Variants in OCA2 observed in about 807,000 individuals in gnomAD.
The protein encoded by OCA2 is OCA2 melanosomal transmembrane protein, also known as P protein.
OCA2 carries 77 observed loss-of-function variants against 100.2 expected under a neutral mutation model. That is an observed-to-expected ratio of 0.77 (90% CI 0.64 to 0.93). OCA2 has a LOEUF of 0.93. Ranked by LOEUF, OCA2 falls within the 40% of genes least tolerant of loss-of-function variation. The pLI, the probability that OCA2 is intolerant of heterozygous loss-of-function variation, is 0.00. For synonymous variants in OCA2, 432 were observed against 439.2 expected (o/e 0.98, Z 0.21); for missense variants, 1,062 against 1,089.1 (o/e 0.98, Z 0.35).
At chr15:28,092,409 G>A (rs1368389346) in intron 1 of OCA2, among the ~76,000 whole-genome samples, 2 of 152,162 alleles carry the variant, frequency 1.3e-5, no homozygotes, top group African/African-American at 4.8e-5. Flanking sequence ...AGGCTGGAGT[G>A]CAGTGGTGCA....
intron 21 of OCA2, among the ~76,000 whole-genome samples, chr15:27,857,291 G>A (rs567953117): frequency 8.5e-5 from 13 of 152,216 alleles, no homozygotes; most frequent in African/African-American, 2.4e-4. Context: ...TGAGGAAGCC[G>A]AAGAAAGGAT....
chr15:27,924,709 A>G (rs2038983080), intron 19 of OCA2, among the ~76,000 whole-genome samples: 1 of 152,226 alleles, frequency 6.6e-6, no homozygotes, highest in South Asian at 2.1e-4. Context: ...GAATTAGTAT[A>G]CAATAAAATG....
chr15:27,897,676 T>G (rs1213616942), intron 19 of OCA2, among the ~76,000 whole-genome samples: 1 of 152,002 alleles, frequency 6.6e-6, no homozygotes, highest in African/African-American at 2.4e-5. Context: ...AAATGTGGGG[T>G]CAGAGGTGCC....
chr15:28,095,183 C>A (rs1306016652), intron 1 of OCA2, among the ~76,000 whole-genome samples: 1 of 152,208 alleles, frequency 6.6e-6, no homozygotes, highest in Non-Finnish European at 1.5e-5. Context: ...GTGCTCCGGG[C>A]ATGGTGGGTC....
intron 9 of OCA2, among the ~76,000 whole-genome samples, chr15:28,005,496 A>G (rs75987980): frequency 1.7e-3 from 262 of 152,284 alleles, no homozygotes; most frequent in African/African-American, 5.9e-3. Context: ...TTCCTTCTGC[A>G]GGCTCTAGAG....
the OCA2 span, among the ~76,000 whole-genome samples, chr15:27,721,491 A>T: frequency 1.3e-5 from 2 of 152,258 alleles, no homozygotes; most frequent in Non-Finnish European, 2.9e-5. Context: ...ATAGAATTAT[A>T]TCATAGAAGA....
chr15:27,867,067 T>C (rs558916293), intron 21 of OCA2, among the ~76,000 whole-genome samples: 1 of 152,358 alleles, frequency 6.6e-6, no homozygotes, highest in Admixed American at 6.5e-5. Flanking sequence ...CAGTGTGCAG[T>C]TGAGAAATTC....
intron 23 of OCA2, among the ~76,000 whole-genome samples, chr15:27,789,625 C>A (rs1318527125): frequency 1.3e-5 from 2 of 152,098 alleles, no homozygotes; most frequent in Non-Finnish European, 1.5e-5. Flanking sequence ...ACACAGGGGG[C>A]GCTTATCAAA....
chr15:27,760,631 C>CA (rs1165129802), intron 23 of OCA2, among the ~76,000 whole-genome samples: 1 of 151,786 alleles, frequency 6.6e-6, no homozygotes, highest in East Asian at 1.9e-4. Flanking sequence ...GGAGTCATCA[C>CA]AAAAAACCTT....
At chr15:27,903,344 G>A (rs1333877839) in intron 19 of OCA2, among the ~76,000 whole-genome samples, 6 of 152,172 alleles carry the variant, frequency 3.9e-5, no homozygotes, top group African/African-American at 1.4e-4. Flanking sequence ...CTCCTCTCCT[G>A]GCACCGCCAG....
intron 9 of OCA2, 66 bp downstream of exon 9, chr15:28,014,710 C>A: frequency 6.4e-7 from 1 of 1,561,262 alleles, no homozygotes; most frequent in South Asian, 1.1e-5. Flanking sequence ...TCCAGAGTGT[C>A]TCACGGATCT....
intron 14 of OCA2, among the ~76,000 whole-genome samples, chr15:27,978,523 TATG>T (rs1453383236): frequency 6.6e-6 from 1 of 152,186 alleles, no homozygotes; most frequent in East Asian, 1.9e-4. Flanking sequence ...ACCCCTTTAT[TATG>T]ATGAAATGTT....
intron 23 of OCA2, among the ~76,000 whole-genome samples, chr15:27,817,029 C>A (rs2034329102): frequency 6.6e-6 from 1 of 152,182 alleles, no homozygotes; most frequent in Non-Finnish European, 1.5e-5. Flanking sequence ...ACTTACTTGA[C>A]CTGATCACAA....
chr15:28,018,071 C>T (rs1019689507), intron 7 of OCA2, among the ~76,000 whole-genome samples: 1 of 150,256 alleles, frequency 6.7e-6, no homozygotes, highest in African/African-American at 2.5e-5. Flanking sequence ...ACGTAAGGCC[C>T]GGACTTAACT....
chr15:27,908,618 A>T (rs2703925), intron 19 of OCA2, among the ~76,000 whole-genome samples: 95,600 of 151,330 alleles, frequency 0.63, 30,774 homozygotes, highest in East Asian at 0.96. Flanking sequence ...AGGGGAAAAG[A>T]CGAATGTGGA....
intron 22 of OCA2, among the ~76,000 whole-genome samples, chr15:27,848,384 A>C (rs1246176293): frequency 6.6e-6 from 1 of 152,242 alleles, no homozygotes; most frequent in African/African-American, 2.4e-5. Flanking sequence ...TGTTGCAGTC[A>C]TTTAATAAGA....
rs2040283696 is a variant in OCA2, at chr15:27,957,908, A to G, written c.1637-173T>C. Among the ~76,000 whole-genome samples, 1 of 152,220 alleles carries G rather than the reference A, an allele frequency of 6.6e-6. No homozygotes were observed. The highest frequency in any genetic ancestry group is 2.1e-4 in the South Asian group (1 of 4,828). ...CACCTGAGCTATTGCAATGGAGCCCAGACGACAAAGCCGACATTTAAAAAT... is the reference window on the plus strand; with the variant it reads ...CACCTGAGCTATTGCAATGGAGCCCGGACGACAAAGCCGACATTTAAAAAT... On this transcript the variant is annotated intron_variant, in intron 15 of 23. Transcript: ENST00000354638. The surrounding 1 kb of genome is among the most constrained non-coding windows in gnomAD (Gnocchi z 4.3).
At chr15:27,907,460 T>C (rs556502330) in intron 19 of OCA2, among the ~76,000 whole-genome samples, 1 of 151,438 alleles carries the variant, frequency 6.6e-6, no homozygotes, top group Non-Finnish European at 1.5e-5. Flanking sequence ...TTCTAAAAAC[T>C]AGAAAAAAAC....
rs2030243710 is a variant in OCA2 at position 27,755,216 on chromosome 15, A to G, written c.*172T>C. 4 of 636,578 alleles carry G rather than the reference A, an allele frequency of 6.3e-6. No homozygotes were observed. Among genetic ancestry groups the G allele is most frequent in the Non-Finnish European group, 1.2e-5 (4 of 342,900 alleles). 39.4% of individuals were successfully genotyped at this position (636,578 alleles called of 1,614,324 possible). On this transcript the variant is annotated 3_prime_UTR_variant, in exon 24 of 24. Coordinates refer to ENST00000354638, the MANE Select transcript of OCA2 (RefSeq NM_000275.3). ...ACACAGAGGAGGTCATGGTGTTCCA[A>G]CATTCGCTTGAATTAGAGTGTTAGT... is the stretch of plus-strand genomic sequence containing the variant.
Sources: gnomAD v4.1 joint callset for allele counts (sites outside exome capture counted in the v4.1 genomes callset) on GRCh38, gnomAD v4.1.1 for gene constraint, Gnocchi (gnomAD v3.1) non-coding constraint, MANE v1.5 for transcripts, NCBI Gene and HGNC (gene_info 2026-07-23, HGNC 2026-07-21) for gene names.